The following DEFB123 variants were observed in gnomAD, a reference collection of about 807,000 sequenced individuals.
The protein encoded by DEFB123 is beta-defensin 123.
For synonymous variants in DEFB123, 22 were observed against 28.3 expected, an observed-to-expected ratio of 0.78 and a Z score of 0.71; for missense variants, 71 against 75.0, an observed-to-expected ratio of 0.95 and a Z score of 0.20.
intron 1 of DEFB123, among the ~76,000 whole-genome samples, chr20:31,441,354 C>A (rs923509264): frequency 6.6e-6 from 1 of 151,998 alleles, no homozygotes; most frequent in African/African-American, 2.4e-5. Flanking sequence ...TATCCTGAGT[C>A]CTAAAAAGTG....
At chr20:31,442,982 T>TA (rs1399522854) in intron 1 of DEFB123, among the ~76,000 whole-genome samples, 1 of 152,002 alleles carries the variant, frequency 6.6e-6, no homozygotes, top group Non-Finnish European at 1.5e-5. Flanking sequence ...AGCATGTGGC[T>TA]ATGGAGGGAA....
At chr20:31,443,374 C>T (rs1173797272) in intron 1 of DEFB123, among the ~76,000 whole-genome samples, 1 of 152,162 alleles carries the variant, frequency 6.6e-6, no homozygotes, top group Non-Finnish European at 1.5e-5. Flanking sequence ...CAACAGAGAG[C>T]TGACAGTGAT....
chr20:31,446,149 G>T (rs1400894284), intron 1 of DEFB123, among the ~76,000 whole-genome samples: 5 of 152,168 alleles, frequency 3.3e-5, no homozygotes, highest in Non-Finnish European at 5.9e-5. Flanking sequence ...GGCGCAGGAG[G>T]AGTCACCAAA....
rs752874234 is a variant in DEFB123, at chr20:31,440,730, T to A, written c.32T>A (p.Leu11Gln). 1.2e-6 allele frequency: 2 copies of A among 1,613,696 alleles called. No individual in the cohort carries two copies. Among genetic ancestry groups the A allele is most frequent in the Non-Finnish European group, 1.7e-6 (2 of 1,180,040 alleles). The change falls in exon 1 of 2, where the codon CTG (leucine) becomes CAG (glutamine). Residue 11 changes from leucine (L) to glutamine (Q), a missense_variant. Coordinates refer to ENST00000376309, the MANE Select transcript of DEFB123 (RefSeq NM_153324.4). MKLLLLTLTV[L>Q]LLLSQLTPGG... ...CTCCTTTTGCTGACTTTGACTGTGC[T>A]GCTGCTCTTATCCCAGCTGACTCCA...
At chr20:31,442,966 G>A (rs1038116428) in intron 1 of DEFB123, among the ~76,000 whole-genome samples, 2 of 152,104 alleles carry the variant, frequency 1.3e-5, no homozygotes, top group Admixed American at 6.6e-5. Flanking sequence ...GGGAACAACC[G>A]GTGTGAGCAT....
chr20:31,450,039 A>C lies in DEFB123; in HGVS notation c.69A>C (p.Gln23His). 1 of 1,609,892 alleles carries C rather than the reference A, an allele frequency of 6.2e-7. No homozygotes were observed. Among genetic ancestry groups the C allele is most frequent in the Non-Finnish European group, 8.5e-7 (1 of 1,178,306 alleles). Residue 23 changes from glutamine to histidine, a missense_variant, in exon 2 of 2, where the codon CAA becomes CAC. Gln to His is a conservative substitution (Grantham distance 24). Transcript: ENST00000376309. Reference protein sequence around the residue: ...LLSQLTPGGTQRCWNLYGKCR... With the variant: ...LLSQLTPGGTHRCWNLYGKCR... ...TCTGCTTTGTGTCAGGTGGCACCCA[A>C]AGATGCTGGAATCTTTATGGCAAAT... is the stretch of plus-strand genomic sequence containing the variant.
At chr20:31,443,759 C>T (rs770475709) in intron 1 of DEFB123, among the ~76,000 whole-genome samples, 37 of 152,152 alleles carry the variant, frequency 2.4e-4, no homozygotes, top group African/African-American at 8.7e-4. Context: ...GCTGCTGCTG[C>T]GGGAGCTGGA....
chr20:31,440,848 T>C lies in DEFB123; in HGVS notation c.58+92T>C, dbSNP rs1979447140. ...GGCTAGAAGGATGGGCTGCAGGTTG[T>C]CATCTAGCACCACGTATAGGAGGCA... On this transcript the variant is annotated intron_variant, in intron 1 of 1. Transcript: ENST00000376309. 20 of 1,506,402 alleles carry C rather than the reference T, an allele frequency of 1.3e-5. No homozygotes were observed. The South Asian group carries it at 2.1e-4, about 16-fold the overall frequency. 93.3% of individuals were successfully genotyped at this position (1,506,402 alleles called of 1,614,324 possible). A position where few individuals can be genotyped will look rare whatever the true frequency, so the allele number is the denominator to read the frequency against.
chr20:31,442,249 T>G (rs1406535230), intron 1 of DEFB123, among the ~76,000 whole-genome samples: 4 of 152,262 alleles, frequency 2.6e-5, no homozygotes, highest in Admixed American at 1.3e-4. Flanking sequence ...GAATAAGTGT[T>G]GAGTCTTTCA....
chr20:31,450,149 C>T lies in DEFB123; in HGVS notation c.179C>T (p.Pro60Leu), dbSNP rs1979703357. The T allele has an allele frequency of 6.2e-7, 1 of 1,605,934 alleles. No homozygotes were observed. Among genetic ancestry groups the T allele is most frequent in the East Asian group, 2.3e-5 (1 of 44,172 alleles). Reference protein sequence around the residue: ...KMCCVKPKYQPKERWWPF With the variant: ...KMCCVKPKYQLKERWWPF ...TGCTGCGTGAAGCCCAAGTACCAGCCAAAAGAAAGGTGGTGGCCATTTTAA... is the reference window on the plus strand; with the variant it reads ...TGCTGCGTGAAGCCCAAGTACCAGCTAAAAGAAAGGTGGTGGCCATTTTAA... The change falls in exon 2 of 2, where the codon CCA becomes CTA. Residue 60 changes from proline (P) to leucine (L), a missense_variant. Coordinates refer to ENST00000376309, the MANE Select transcript of DEFB123 (RefSeq NM_153324.4).
At chr20:31,446,257 G>A (rs1979582700) in intron 1 of DEFB123, among the ~76,000 whole-genome samples, 3 of 152,226 alleles carry the variant, frequency 2.0e-5, no homozygotes, top group African/African-American at 7.2e-5. Context: ...GCAAGGCAGG[G>A]CCACAGGGCA....
At chr20:31,446,182 T>C (rs975847637) in intron 1 of DEFB123, among the ~76,000 whole-genome samples, 6 of 152,134 alleles carry the variant, frequency 3.9e-5, no homozygotes, top group African/African-American at 1.2e-4. Flanking sequence ...TAGGGTACTG[T>C]AGGATGACAG....
chr20:31,445,621 C>A (rs538642411), intron 1 of DEFB123, among the ~76,000 whole-genome samples: 1 of 152,250 alleles, frequency 6.6e-6, no homozygotes, highest in Non-Finnish European at 1.5e-5. Context: ...CTCACTGCAA[C>A]CTCCACCTCC....
At chr20:31,447,123 G>A (rs1157776243) in intron 1 of DEFB123, among the ~76,000 whole-genome samples, 1 of 151,894 alleles carries the variant, frequency 6.6e-6, no homozygotes, top group African/African-American at 2.4e-5. Flanking sequence ...TTAGCCAGGC[G>A]TGGTGGCGCA....
At chr20:31,443,443 A>G (rs1979513936) in intron 1 of DEFB123, among the ~76,000 whole-genome samples, 5 of 152,232 alleles carry the variant, frequency 3.3e-5, no homozygotes, top group Admixed American at 3.3e-4. Context: ...ATGCAGTGCT[A>G]TATCCATGCT....
chr20:31,448,878 A>ATTTTTT (rs34804733), intron 1 of DEFB123, among the ~76,000 whole-genome samples: 1 of 119,976 alleles, frequency 8.3e-6, no homozygotes, highest in African/African-American at 3.1e-5. Flanking sequence ...CGCCCAGCTA[A>ATTTTTT]TTTTTTTTTT....
chr20:31,445,650 C>T (rs1241774561), intron 1 of DEFB123, among the ~76,000 whole-genome samples: 1 of 152,142 alleles, frequency 6.6e-6, no homozygotes, highest in Admixed American at 6.5e-5. Context: ...AACAATTCTC[C>T]TGCCTCAGCC....
chr20:31,445,301 C>G (rs118121931), intron 1 of DEFB123, among the ~76,000 whole-genome samples: 2,102 of 152,240 alleles, frequency 0.014, 23 homozygotes, highest in Non-Finnish European at 0.02. Context: ...CAATGATGCT[C>G]AAAGCCTAGA....
chr20:31,445,283 A>G (rs1600551876), intron 1 of DEFB123, among the ~76,000 whole-genome samples: 1 of 152,240 alleles, frequency 6.6e-6, no homozygotes, highest in African/African-American at 2.4e-5. Flanking sequence ...TTTTAGGACA[A>G]TAGGAATCAA....
Sources: allele counts gnomAD v4.1 joint callset (sites outside exome capture counted in the v4.1 genomes callset), GRCh38; gene constraint gnomAD v4.1.1; transcripts MANE v1.5; gene names NCBI Gene and HGNC (gene_info 2026-07-23, HGNC 2026-07-21).